TACC1: variants seen among roughly 807,000 people sequenced by gnomAD.
TACC1 encodes the protein transforming acidic coiled-coil-containing protein 1.
In TACC1, 48 loss-of-function variants were observed where a neutral mutation model predicts 84.4. The observed-to-expected ratio is 0.57, with a 90% confidence interval of 0.45 to 0.72. The LOEUF is 0.72. TACC1 is among the 30% of genes least tolerant of loss of function. The pLI is 0.00. For synonymous variants in TACC1, 372 were observed against 376.3 expected, an observed-to-expected ratio of 0.99 and a Z score of 0.13; for missense variants, 920 against 973.0, an observed-to-expected ratio of 0.95 and a Z score of 0.72.
At chr8:38,742,271 G>A (rs1807215698) in intron 1 of TACC1, 2 of 542,766 alleles carry the variant, frequency 3.7e-6, no homozygotes, top group African/African-American at 1.9e-5. Context: ...GTGAGCCTTA[G>A]GCAAAAGGTT....
rs530694039 is a variant in TACC1, at chr8:38,793,019, C to T, written c.277+4200C>T. ...TTGAGTTTCTCCTTCACCAACATAG[C>T]CCCCCTTCCCCAAACACACACACCT... On this transcript the variant is annotated intron_variant, in intron 2 of 12. Transcript: ENST00000317827. 6.6e-5 allele frequency among the ~76,000 whole-genome samples: 10 copies of T among 152,236 alleles called. No homozygotes were observed. The South Asian group carries it at 1.9e-3, about 28-fold the overall frequency.
chr8:38,806,217 A>G (rs1401640657), intron 2 of TACC1, among the ~76,000 whole-genome samples: 1 of 151,874 alleles, frequency 6.6e-6, no homozygotes, highest in Non-Finnish European at 1.5e-5. Flanking sequence ...GAGACATGCC[A>G]TCTGCTTCCA....
chr8:38,765,245 C>G (rs551596676), intron 3 of TACC1, among the ~76,000 whole-genome samples: 5 of 152,042 alleles, frequency 3.3e-5, no homozygotes, highest in Non-Finnish European at 5.9e-5. Context: ...CTTCCTCCTC[C>G]AAGCACACAT....
chr8:38,774,348 C>A (rs1194264555), intron 3 of TACC1, among the ~76,000 whole-genome samples: 1 of 152,178 alleles, frequency 6.6e-6, no homozygotes, highest in Non-Finnish European at 1.5e-5. Flanking sequence ...AGGGCAGGAA[C>A]TGGGTCTCTT....
intron 3 of TACC1, among the ~76,000 whole-genome samples, chr8:38,769,565 G>A (rs1287239907): frequency 6.7e-6 from 1 of 149,090 alleles, no homozygotes; most frequent in Non-Finnish European, 1.5e-5. Flanking sequence ...GGAGTGTGGT[G>A]TGTGTATGAC....
At chr8:38,773,573 G>GCTAGCTATCTATCTAGCTATCTATCTAT (rs1258773077) in intron 3 of TACC1, among the ~76,000 whole-genome samples, 73 of 116,456 alleles carry the variant, frequency 6.3e-4, no homozygotes, top group Admixed American at 1.9e-3. Flanking sequence ...TATCTATCTA[G>GCTAGCTATCTATCTAGCTATCTATCTAT]CTAGCTATCT....
chr8:38,840,404 T>G, intron 9 of TACC1, 137 bp downstream of exon 9: 2 of 721,698 alleles, frequency 2.8e-6, no homozygotes, highest in Non-Finnish European at 2.3e-6. Flanking sequence ...GACAGGAGAG[T>G]TCAAGGTGCC....
chr8:38,836,321 C>G (rs750505397), intron 7 of TACC1, 34 bp downstream of exon 7: 1 of 1,595,130 alleles, frequency 6.3e-7, no homozygotes, highest in South Asian at 1.1e-5. Flanking sequence ...GCTTATCACT[C>G]CATTTCTTTG....
In TACC1 at chr8:38,787,431, G is replaced by C; in HGVS notation, c.-152G>C. On this transcript the variant is annotated 5_prime_UTR_variant, in exon 1 of 13. Transcript: ENST00000317827. ...GCCGGCGGGAGGAAGCGCTCCACCA[G>C]GGCCCCCGACGGCACTCGTTTAACC... 3.7e-6 allele frequency: 5 copies of C among 1,354,482 alleles called. No individual in the cohort carries two copies. Among genetic ancestry groups the C allele is most frequent in the Non-Finnish European group, 2.8e-6 (3 of 1,059,576 alleles). The allele number at this position is 1,354,482 out of a possible 1,614,324, so 83.9% of individuals were successfully genotyped here.
intron 6 of TACC1, among the ~76,000 whole-genome samples, chr8:38,832,246 C>T (rs1829406711): frequency 1.3e-5 from 2 of 152,300 alleles, no homozygotes; most frequent in East Asian, 1.9e-4. Flanking sequence ...CTGTAAAGTG[C>T]TAGAATACAC....
chr8:38,761,499 A>T (rs1187077769), intron 3 of TACC1, among the ~76,000 whole-genome samples: 1 of 152,250 alleles, frequency 6.6e-6, no homozygotes, highest in African/African-American at 2.4e-5. Flanking sequence ...TATTCTAGTG[A>T]ACTGCAAAGT....
At chr8:38,812,519 A>G (rs1824456317) in intron 2 of TACC1, among the ~76,000 whole-genome samples, 1 of 152,306 alleles carries the variant, frequency 6.6e-6, no homozygotes, top group South Asian at 2.1e-4. Context: ...AATACTTCCT[A>G]TTCATTAGCA....
intron 3 of TACC1, among the ~76,000 whole-genome samples, chr8:38,763,137 C>T (rs1009632311): frequency 2.0e-5 from 3 of 151,960 alleles, no homozygotes; most frequent in African/African-American, 7.3e-5. Flanking sequence ...AGTGGTATCT[C>T]ATTTGTTGTT....
chr8:38,823,271 A>G (rs1827275999), intron 3 of TACC1, among the ~76,000 whole-genome samples: 1 of 152,224 alleles, frequency 6.6e-6, no homozygotes. Flanking sequence ...CTTTGATTAT[A>G]TATAAGCAGT....
At chr8:38,804,524 C>T (rs1381034134) in intron 2 of TACC1, among the ~76,000 whole-genome samples, 1 of 152,220 alleles carries the variant, frequency 6.6e-6, no homozygotes, top group Non-Finnish European at 1.5e-5. Flanking sequence ...TGGTCTCAAA[C>T]TCCTGACCTC....
chr8:38,787,433 G>T lies in TACC1; in HGVS notation c.-150G>T. 1 of 1,357,108 alleles carries T rather than the reference G, an allele frequency of 7.4e-7. No homozygotes were observed. The highest frequency in any genetic ancestry group is 9.4e-7 in the Non-Finnish European group (1 of 1,061,080). The allele number at this position is 1,357,108 out of a possible 1,614,324, so 84.1% of individuals were successfully genotyped here. A position where few individuals can be genotyped will look rare whatever the true frequency, so the allele number is the denominator to read the frequency against. On this transcript the variant is annotated 5_prime_UTR_variant, in exon 1 of 13. Transcript: ENST00000317827. The stretch of plus-strand genomic sequence containing the variant: ...CGGCGGGAGGAAGCGCTCCACCAGG[G>T]CCCCCGACGGCACTCGTTTAACCAC...
upstream of TACC1, among the ~76,000 whole-genome samples, chr8:38,785,452 A>G (rs1816953712): frequency 6.6e-6 from 1 of 152,212 alleles, no homozygotes; most frequent in Admixed American, 6.5e-5. Context: ...TTAGAGCACG[A>G]GTCACTGATC....
Position 38,742,312 on chromosome 8 carries a change from T to G in TACC1, c.-674-39T>G, listed in dbSNP as rs912643031. On this transcript the variant is annotated intron_variant, in intron 1 of 14. Transcript: ENST00000518415. The stretch of plus-strand genomic sequence containing the variant: ...CTTGTGCTGGAAACTTACCTTATGA[T>G]TAAGCATGTGACTCCCACCTGACTT... 5 of 907,420 alleles carry G rather than the reference T, an allele frequency of 5.5e-6. No individual in the cohort carries two copies. In the Admixed American group the frequency reaches 1.0e-4, roughly 19 times the overall value. 56.2% of individuals were successfully genotyped at this position (907,420 alleles called of 1,614,324 possible). A position where few individuals can be genotyped will look rare whatever the true frequency, so the allele number is the denominator to read the frequency against.
intron 2 of TACC1, among the ~76,000 whole-genome samples, chr8:38,815,719 A>G (rs1825289393): frequency 1.3e-5 from 2 of 152,164 alleles, no homozygotes; most frequent in Admixed American, 6.5e-5. Context: ...GTGCCCGGCA[A>G]TGTATAATAG....
Sources: gnomAD v4.1 joint callset for allele counts (sites outside exome capture counted in the v4.1 genomes callset) on GRCh38, gnomAD v4.1.1 for gene constraint, MANE v1.5 for transcripts, NCBI Gene and HGNC (gene_info 2026-07-23, HGNC 2026-07-21) for gene names.